The following SMYD4 variants were observed in gnomAD, a reference collection of about 807,000 sequenced individuals.
The protein encoded by SMYD4 is protein-lysine N-methyltransferase SMYD4.
Under a neutral mutation model 72.8 loss-of-function variants are expected in SMYD4, and 68 were observed. That is an observed-to-expected ratio of 0.93 (90% CI 0.77 to 1.14). The LOEUF (loss-of-function observed/expected upper bound fraction) is 1.14. Ranked by LOEUF, SMYD4 falls within the 50% of genes most tolerant of loss-of-function variation. SMYD4 has a pLI of 0.00. For missense variants in SMYD4, 984 were observed against 1,003.7 expected (o/e 0.98, Z 0.27); for synonymous variants, 407 against 388.6 (o/e 1.05, Z -0.56).
At chr17:1,799,000 G>A (rs1282124474) in intron 5 of SMYD4, among the ~76,000 whole-genome samples, 3 of 151,634 alleles carry the variant, frequency 2.0e-5, no homozygotes, top group East Asian at 4.0e-4. Context: ...AGCCAGGCAC[G>A]GTGGCTCATG....
intron 5 of SMYD4, among the ~76,000 whole-genome samples, chr17:1,789,468 G>A (rs1908886758): frequency 6.6e-6 from 1 of 150,764 alleles, no homozygotes. Flanking sequence ...ACCATTATGT[G>A]AAAATGTTTT....
chr17:1,794,055 GTGTATATATA>G (rs1909229002), intron 5 of SMYD4, among the ~76,000 whole-genome samples: 1 of 70,130 alleles, frequency 1.4e-5, no homozygotes, highest in African/African-American at 8.0e-5. Context: ...ATATATATGT[GTGTATATATA>G]TGTGTATATA....
At chr17:1,813,396 A>G (rs771374284) in intron 2 of SMYD4, among the ~76,000 whole-genome samples, 11 of 152,158 alleles carry the variant, frequency 7.2e-5, no homozygotes, top group Non-Finnish European at 1.6e-4. Context: ...CACTTGCGAA[A>G]TTTGGAAGAA....
chr17:1,794,835 T>C lies in SMYD4; in HGVS notation c.1537+5022A>G, dbSNP rs143191365. The stretch of plus-strand genomic sequence containing the variant: ...AACTGTGATTCTGTTTGAAATGGTA[T>C]GAAACTGATTAGGTTAATGCAGGAA... On this transcript the variant is annotated intron_variant, in intron 5 of 10. Transcript: ENST00000305513. Among the ~76,000 whole-genome samples, 13 of 152,214 alleles carry C rather than the reference T, an allele frequency of 8.5e-5. No homozygotes were observed. In the East Asian group the frequency reaches 2.3e-3, roughly 27 times the overall value.
At chr17:1,823,979 C>T (rs573270634) in intron 2 of SMYD4, among the ~76,000 whole-genome samples, 1 of 152,272 alleles carries the variant, frequency 6.6e-6, no homozygotes, top group African/African-American at 2.4e-5. Context: ...AGCCTAGTTT[C>T]ATAGCTAAAA....
At chr17:1,823,244 A>G (rs1191569971) in intron 2 of SMYD4, among the ~76,000 whole-genome samples, 2 of 150,888 alleles carry the variant, frequency 1.3e-5, no homozygotes, top group East Asian at 3.9e-4. Flanking sequence ...ATAAAATAAA[A>G]TTAGCTGGGC....
intron 2 of SMYD4, among the ~76,000 whole-genome samples, chr17:1,825,803 T>G (rs1431633463): frequency 2.6e-5 from 4 of 151,794 alleles, no homozygotes; most frequent in African/African-American, 9.7e-5. Flanking sequence ...GCACCCAACC[T>G]CATCTTCTTT....
At chr17:1,797,899 G>A (rs1252309194) in intron 5 of SMYD4, among the ~76,000 whole-genome samples, 2 of 152,090 alleles carry the variant, frequency 1.3e-5, no homozygotes, top group Non-Finnish European at 2.9e-5. Context: ...TTACTCGGGA[G>A]GCTGGGGCAG....
At chr17:1,802,080 C>A (rs894598730) in intron 4 of SMYD4, among the ~76,000 whole-genome samples, 1 of 152,150 alleles carries the variant, frequency 6.6e-6, no homozygotes, top group South Asian at 2.1e-4. Flanking sequence ...ATCTAAAAAA[C>A]AGGGATAATA....
Position 1,800,584 on chromosome 17 carries a change from GT to G in SMYD4, c.809del (p.Asn270ThrfsTer12), listed in dbSNP as rs777270966. 426 of 1,613,954 alleles carry G rather than the reference GT, an allele frequency of 2.6e-4. 1 individual carries two copies. The highest frequency in any genetic ancestry group is 3.4e-4 in the Non-Finnish European group (403 of 1,179,982). ...VQEDAFVSVL[N>X]PGELPPPHHG... ...GATGCGGTGGTGGCAGTTCTCCTGG[GT>G]TGAGAACACTCACAAAAGCATCCTC... On this transcript the variant is annotated frameshift_variant, in exon 5 of 11. Coordinates refer to ENST00000305513, the MANE Select transcript of SMYD4 (RefSeq NM_052928.3). LOFTEE classifies it high-confidence loss of function.
chr17:1,817,246 C>T (rs1910653380), intron 2 of SMYD4, among the ~76,000 whole-genome samples: 1 of 152,140 alleles, frequency 6.6e-6, no homozygotes, highest in Non-Finnish European at 1.5e-5. Flanking sequence ...CCATGTTGGC[C>T]AGGCTGGTCT....
intron 5 of SMYD4, among the ~76,000 whole-genome samples, chr17:1,791,246 G>T (rs1208397664): frequency 6.6e-6 from 1 of 151,680 alleles, no homozygotes; most frequent in African/African-American, 2.4e-5. Context: ...AATCCGGATA[G>T]ATCATAAATA....
chr17:1,797,187 C>T (rs1373152277), intron 5 of SMYD4, among the ~76,000 whole-genome samples: 1 of 152,110 alleles, frequency 6.6e-6, no homozygotes, highest in East Asian at 1.9e-4. Flanking sequence ...ATCAAATGAG[C>T]TAAGCATGTA....
intron 9 of SMYD4, 94 bp downstream of exon 9, chr17:1,783,266 G>C (rs1272655255): frequency 6.2e-7 from 1 of 1,610,794 alleles, no homozygotes. Context: ...TCAGTTTACA[G>C]AGCGGGGGGT....
At chr17:1,821,502 G>A (rs997768784) in intron 2 of SMYD4, among the ~76,000 whole-genome samples, 8 of 151,918 alleles carry the variant, frequency 5.3e-5, no homozygotes, top group South Asian at 2.1e-4. Flanking sequence ...TGACAAGAGC[G>A]AAACTCTGTC....
intron 3 of SMYD4, among the ~76,000 whole-genome samples, chr17:1,808,147 T>C (rs551866972): frequency 1.1e-4 from 17 of 152,204 alleles, no homozygotes; most frequent in Non-Finnish European, 1.6e-4. Context: ...GAATTTATCC[T>C]AAGCAAGCAA....
chr17:1,810,763 A>T (rs1257279543), intron 3 of SMYD4, among the ~76,000 whole-genome samples: 1 of 152,192 alleles, frequency 6.6e-6, no homozygotes, highest in Non-Finnish European at 1.5e-5. Context: ...GCAGACACAT[A>T]AGCAGCTGGA....
chr17:1,799,624 T>A (rs1221459832), intron 5 of SMYD4, among the ~76,000 whole-genome samples: 1 of 152,084 alleles, frequency 6.6e-6, no homozygotes, highest in Non-Finnish European at 1.5e-5. Flanking sequence ...TCTGCTCACC[T>A]CGGCCTCCCA....
In SMYD4 at chr17:1,784,388, C is replaced by A. The variant is rs144117066; in HGVS notation, c.1958G>T (p.Arg653Leu). 1 of 1,614,122 alleles carries A rather than the reference C, an allele frequency of 6.2e-7. No homozygotes were observed. Among genetic ancestry groups the A allele is most frequent in the African/African-American group, 1.3e-5 (1 of 74,938 alleles). ...SAVSRDHLVS[R>L]LQDLQQQVRV... ...GACCTGCTGCTGTAGGTCCTGTAAC[C>A]GAGAGACCAGGTGGTCCCTGCTGAC... is the stretch of plus-strand genomic sequence containing the variant. The change falls in exon 8 of 11, where the codon CGG becomes CTG. Residue 653 changes from arginine to leucine, a missense_variant. Physicochemically the swap from Arg to Leu is moderately radical, Grantham distance 102. Transcript: ENST00000305513.
Sources: allele counts gnomAD v4.1 joint callset (sites outside exome capture counted in the v4.1 genomes callset), GRCh38; gene constraint gnomAD v4.1.1; transcripts MANE v1.5; gene names NCBI Gene and HGNC (gene_info 2026-07-23, HGNC 2026-07-21).